The following BMERB1 variants were observed in gnomAD, a reference collection of about 807,000 sequenced individuals.
The protein encoded by BMERB1 is bMERB domain containing 1, also known as bMERB domain-containing protein 1.
A neutral mutation model predicts 23.6 loss-of-function variants in BMERB1; 12 were observed. That is an observed-to-expected ratio of 0.51 (90% CI 0.33 to 0.82). The LOEUF is 0.82. BMERB1 is among the 40% of genes least tolerant of loss of function. The pLI is 0.03. For synonymous variants in BMERB1, 122 were observed against 96.6 expected, an observed-to-expected ratio of 1.26 and a Z score of -1.54; for missense variants, 247 against 255.4, an observed-to-expected ratio of 0.97 and a Z score of 0.22.
At chr16:15,559,157 C>G (rs541478979) in intron 2 of BMERB1, among the ~76,000 whole-genome samples, 2 of 152,104 alleles carry the variant, frequency 1.3e-5, no homozygotes, top group African/African-American at 2.4e-5. Context: ...ATGACACATA[C>G]GTGACTATGG....
In BMERB1 at chr16:15,497,102, C is replaced by T. The variant is rs371122713; in HGVS notation, c.107-18203C>T. ...TCCTGCTGACACTGTTACCAAAACACCAGGGGATTCGTCTAGGTCCTGCTG... is the reference window on the plus strand; with the variant it reads ...TCCTGCTGACACTGTTACCAAAACATCAGGGGATTCGTCTAGGTCCTGCTG... On this transcript the variant is annotated intron_variant, in intron 1 of 5. Coordinates refer to ENST00000300006, the MANE Select transcript of BMERB1 (RefSeq NM_033201.3). Among the ~76,000 whole-genome samples, 11 of 152,310 alleles carry T rather than the reference C, an allele frequency of 7.2e-5. No homozygotes were observed. In the East Asian group the frequency reaches 1.7e-3, roughly 24 times the overall value.
intron 2 of BMERB1, among the ~76,000 whole-genome samples, chr16:15,526,799 G>T (rs987196558): frequency 4.6e-5 from 7 of 150,710 alleles, no homozygotes; most frequent in Admixed American, 2.6e-4. Context: ...AAAATATGAG[G>T]GAATGGGGCA....
intron 1 of BMERB1, among the ~76,000 whole-genome samples, chr16:15,485,579 C>T (rs2051361430): frequency 6.6e-6 from 1 of 152,112 alleles, no homozygotes; most frequent in Non-Finnish European, 1.5e-5. Flanking sequence ...CATTTTATAT[C>T]CATTCTGGTC....
intron 2 of BMERB1, among the ~76,000 whole-genome samples, chr16:15,532,009 C>G (rs1050367981): frequency 1.3e-5 from 2 of 152,140 alleles, no homozygotes; most frequent in Non-Finnish European, 2.9e-5. Flanking sequence ...CCCGAGCACC[C>G]CCTTAAGGCA....
intron 1 of BMERB1, among the ~76,000 whole-genome samples, chr16:15,498,179 AT>A (rs538672720): frequency 9.7e-4 from 142 of 146,380 alleles, no homozygotes; most frequent in South Asian, 4.8e-3. Context: ...AGGTAGATGG[AT>A]TTTTTTTTTT....
chr16:15,504,939 G>A (rs1211991562), intron 1 of BMERB1, among the ~76,000 whole-genome samples: 1 of 151,738 alleles, frequency 6.6e-6, no homozygotes, highest in Non-Finnish European at 1.5e-5. Flanking sequence ...GAAATGAATA[G>A]CACCCCCACC....
chr16:15,502,396 C>T lies in BMERB1; in HGVS notation c.107-12909C>T. On this transcript the variant is annotated intron_variant, in intron 1 of 5. Transcript: ENST00000300006. ...AGAAAGGTATGATCGCTCTTGGGGG[C>T]CCAGTGGCATCCTCTCCACGAGGCA... 7.8e-6 allele frequency: 12 copies of T among 1,533,436 alleles called. 1 individual carries two copies. Among genetic ancestry groups the T allele is most frequent in the Non-Finnish European group, 8.8e-6 (10 of 1,131,876 alleles). 95.0% of individuals were successfully genotyped at this position (1,533,436 alleles called of 1,614,324 possible).
intron 2 of BMERB1, among the ~76,000 whole-genome samples, chr16:15,529,985 G>A (rs1219166311): frequency 6.6e-6 from 1 of 152,174 alleles, no homozygotes; most frequent in African/African-American, 2.4e-5. Context: ...GCAGAGCCGT[G>A]CTTTCTGGAG....
chr16:15,571,875 G>A (rs1213039163), intron 3 of BMERB1, among the ~76,000 whole-genome samples: 1 of 152,010 alleles, frequency 6.6e-6, no homozygotes, highest in Non-Finnish European at 1.5e-5. Context: ...TATGTAAAAT[G>A]CAAATTCACT....
intron 1 of BMERB1, among the ~76,000 whole-genome samples, chr16:15,508,129 C>G (rs2051614818): frequency 1.3e-5 from 2 of 152,186 alleles, no homozygotes; most frequent in Non-Finnish European, 2.9e-5. Flanking sequence ...ACTTCCCCAT[C>G]TATGAAATGG....
At chr16:15,444,017 CAG>C (rs1415291356) in intron 1 of BMERB1, among the ~76,000 whole-genome samples, 1 of 149,514 alleles carries the variant, frequency 6.7e-6, no homozygotes, top group Non-Finnish European at 1.5e-5. Flanking sequence ...GAAGGCTAAA[CAG>C]GGTTTCAAAA....
intron 1 of BMERB1, among the ~76,000 whole-genome samples, chr16:15,484,898 A>G (rs2051354779): frequency 6.6e-6 from 1 of 152,190 alleles, no homozygotes. Flanking sequence ...CTGTACTTCA[A>G]GGTTTCCCAT....
At chr16:15,576,707 G>T (rs2030869276) in intron 3 of BMERB1, among the ~76,000 whole-genome samples, 1 of 151,174 alleles carries the variant, frequency 6.6e-6, no homozygotes, top group African/African-American at 2.5e-5. Flanking sequence ...CCCTGCTAAG[G>T]CTCTAGAGGA....
intron 1 of BMERB1, among the ~76,000 whole-genome samples, chr16:15,445,361 A>C (rs1342979704): frequency 1.3e-5 from 2 of 152,180 alleles, no homozygotes; most frequent in East Asian, 3.9e-4. Context: ...TTGGCTTTAC[A>C]GCTATGGCAA....
chr16:15,523,903 T>A (rs2051880634), intron 2 of BMERB1, among the ~76,000 whole-genome samples: 2 of 152,216 alleles, frequency 1.3e-5, no homozygotes, highest in South Asian at 4.1e-4. Flanking sequence ...GGATTCACTG[T>A]GGTTTCCTTG....
chr16:15,488,773 G>A (rs1272000803), intron 1 of BMERB1, among the ~76,000 whole-genome samples: 5 of 149,474 alleles, frequency 3.3e-5, no homozygotes, highest in Admixed American at 6.7e-5. Flanking sequence ...AACCGAGATC[G>A]CGCCACTGCA....
rs1405481702 is a variant in BMERB1, at chr16:15,515,388, C to T, written c.190C>T (p.Arg64Trp). 4 of 1,613,926 alleles carry T rather than the reference C, an allele frequency of 2.5e-6. No homozygotes were observed. The highest frequency in any genetic ancestry group is 1.7e-4 in the Middle Eastern group (1 of 6,010). ...GGAGATGGCAAAAATTCAGCGTCTC[C>T]GGGAAGTCTTGGTCCGCCGGGAGTC... Reference protein sequence around the residue: ...ELEMAKIQRLREVLVRRESEL... With the variant: ...ELEMAKIQRLWEVLVRRESEL... Residue 64 changes from arginine (R) to tryptophan (W), a missense_variant, in exon 2 of 6, where the codon CGG (arginine) becomes TGG (tryptophan). Arg to Trp is a moderately radical substitution (Grantham distance 101). Transcript: ENST00000300006.
intron 1 of BMERB1, among the ~76,000 whole-genome samples, chr16:15,476,145 T>C (rs544136971): frequency 6.6e-6 from 1 of 150,980 alleles, no homozygotes; most frequent in East Asian, 2.0e-4. Flanking sequence ...TATCCTACTT[T>C]GTACATGTCA....
chr16:15,468,069 C>T (rs2051196706), intron 1 of BMERB1, among the ~76,000 whole-genome samples: 1 of 150,896 alleles, frequency 6.6e-6, no homozygotes, highest in Admixed American at 6.6e-5. Flanking sequence ...TCAGAGAGAA[C>T]AGATTGTAAA....
Sources: allele counts gnomAD v4.1 joint callset (sites outside exome capture counted in the v4.1 genomes callset), GRCh38; gene constraint gnomAD v4.1.1; transcripts MANE v1.5; gene names NCBI Gene and HGNC (gene_info 2026-07-23, HGNC 2026-07-21).